CCDC33: variants seen among roughly 807,000 people sequenced by gnomAD.
CCDC33 encodes coiled-coil domain containing 33, also known as coiled-coil domain-containing protein 33.
Under a neutral mutation model 91.9 loss-of-function variants are expected in CCDC33, and 94 were observed. That is an observed-to-expected ratio of 1.02 (90% CI 0.87 to 1.21). The LOEUF (loss-of-function observed/expected upper bound fraction) is 1.21. Ranked by LOEUF, CCDC33 falls within the 50% of genes most tolerant of loss-of-function variation. The pLI, the probability that CCDC33 is intolerant of heterozygous loss-of-function variation, is 0.00. For missense variants in CCDC33, 940 were observed against 935.5 expected (o/e 1.00, Z -0.06); for synonymous variants, 396 against 374.5 (o/e 1.06, Z -0.66).
chr15:74,304,952 T>C (rs1285119912), intron 11 of CCDC33, among the ~76,000 whole-genome samples: 1 of 149,268 alleles, frequency 6.7e-6, no homozygotes, highest in African/African-American at 2.4e-5. Flanking sequence ...TCTTCTTCTT[T>C]TTTTTTTTTT....
chr15:74,226,016 C>T (rs2074783826), intron 2 of CCDC33, among the ~76,000 whole-genome samples: 1 of 152,170 alleles, frequency 6.6e-6, no homozygotes, highest in African/African-American at 2.4e-5. Context: ...GACAGCCTGC[C>T]CTGGGCTCCA....
intron 18 of CCDC33, 197 bp from the exon 19 acceptor site, chr15:74,335,728 C>T: frequency 1.8e-6 from 1 of 561,344 alleles, no homozygotes; most frequent in South Asian, 2.2e-5. Context: ...AACCTTTGCA[C>T]ACTCACCTGA....
intron 2 of CCDC33, among the ~76,000 whole-genome samples, chr15:74,246,568 A>G (rs2142286535): frequency 6.6e-6 from 1 of 152,356 alleles, no homozygotes; most frequent in South Asian, 2.1e-4. Context: ...GCACATGAAA[A>G]GGTGCACATC....
rs7162948 is a variant in CCDC33 at position 74,246,276 on chromosome 15, G to T, written c.185+2128G>T. 9.3e-3 allele frequency among the ~76,000 whole-genome samples: 1,423 copies of T among 152,244 alleles called. 27 individuals carry two copies. The highest frequency in any genetic ancestry group is 0.033 in the African/African-American group (1,370 of 41,542). On this transcript the variant is annotated intron_variant, in intron 2 of 18. Coordinates refer to ENST00000398814, the MANE Select transcript of CCDC33 (RefSeq NM_025055.5). The stretch of plus-strand genomic sequence containing the variant: ...ACATTGGTCTTGGCAATTAATCTTC[G>T]GATATGACACCGGAAGTACAGGCAA...
chr15:74,204,647 C>T (rs571192007), intron 1 of CCDC33, among the ~76,000 whole-genome samples: 57 of 152,304 alleles, frequency 3.7e-4, no homozygotes, highest in African/African-American at 1.4e-3. Context: ...AAACCATGCC[C>T]TTTGGCCAGG....
At position 74,246,248 on chromosome 15, in the gene CCDC33, T is replaced by C. The variant is rs553180643; in HGVS notation, c.185+2100T>C. On this transcript the variant is annotated intron_variant, in intron 2 of 18. Transcript: ENST00000398814. ...GAAGAAAACACAGGGGAAAGGCTCC[T>C]TTACATTGGTCTTGGCAATTAATCT... Among the ~76,000 whole-genome samples, 5 of 152,352 alleles carry C rather than the reference T, an allele frequency of 3.3e-5. No individual in the cohort carries two copies. The East Asian group carries it at 9.6e-4, about 29-fold the overall frequency.
At chr15:74,285,489 G>A (rs2059454538) in intron 10 of CCDC33, among the ~76,000 whole-genome samples, 1 of 152,122 alleles carries the variant, frequency 6.6e-6, no homozygotes, top group African/African-American at 2.4e-5. Flanking sequence ...ATGGCTGAGT[G>A]ATAGAAATGG....
intron 2 of CCDC33, among the ~76,000 whole-genome samples, chr15:74,257,634 C>T (rs1339840384): frequency 1.3e-5 from 2 of 152,204 alleles, no homozygotes; most frequent in African/African-American, 4.8e-5. Context: ...ACCCATGCTC[C>T]GAAGTCAGCA....
At chr15:74,272,950 A>G (rs2142441894) in intron 7 of CCDC33, 59 bp downstream of exon 7, 1 of 1,599,952 alleles carries the variant, frequency 6.3e-7, no homozygotes. Context: ...TTCACTGTTC[A>G]CTCACTCAGT....
At position 74,290,937 on chromosome 15, in the gene CCDC33, C is replaced by T. The variant is rs79936049; in HGVS notation, c.1096-4817C>T. 6.8e-3 allele frequency among the ~76,000 whole-genome samples: 1,030 copies of T among 152,302 alleles called. 15 individuals carry two copies. Among genetic ancestry groups the T allele is most frequent in the African/African-American group, 0.024 (984 of 41,552 alleles). On this transcript the variant is annotated intron_variant, in intron 10 of 18. Transcript: ENST00000398814. Reference sequence around the variant, plus strand: ...GGTTTCAGGGTAACAAGAGTGAGCCCACAGTCAAACCACTGAGCCACAGGC... The same window carrying T: ...GGTTTCAGGGTAACAAGAGTGAGCCTACAGTCAAACCACTGAGCCACAGGC...
intron 11 of CCDC33, among the ~76,000 whole-genome samples, chr15:74,321,917 C>T (rs896965022): frequency 4.6e-5 from 7 of 152,028 alleles, no homozygotes; most frequent in African/African-American, 1.2e-4. Flanking sequence ...ATGTGCGTGG[C>T]CCTTGGCAGA....
In CCDC33 at chr15:74,268,383, C is replaced by T. The variant is rs1274858798; in HGVS notation, c.471C>T (p.Thr157=). 2 of 1,613,960 alleles carry T rather than the reference C, an allele frequency of 1.2e-6. No homozygotes were observed. Among genetic ancestry groups the T allele is most frequent in the Non-Finnish European group, 8.5e-7 (1 of 1,179,902 alleles). Residue 157 remains threonine (T), a synonymous_variant, in exon 5 of 19, where the codon ACC becomes ACT. Coordinates refer to ENST00000398814, the MANE Select transcript of CCDC33 (RefSeq NM_025055.5). ...AAGCCGATGAAGCCACTGCCAAGAC[C>T]CAGTTGTACGCAACAGTCGTTCGGA... is the stretch of plus-strand genomic sequence containing the variant. ...SGKADEATAK[T]QLYATVVRKS...
rs957057265 is a variant in CCDC33 at position 74,240,812 on chromosome 15, C to T, written c.22-3173C>T. Among the ~76,000 whole-genome samples the T allele has an allele frequency of 3.9e-5, 6 of 152,208 alleles. No individual in the cohort carries two copies. In the South Asian group the frequency reaches 8.3e-4, roughly 21 times the overall value. On this transcript the variant is annotated intron_variant, in intron 1 of 18. Coordinates refer to ENST00000398814, the MANE Select transcript of CCDC33 (RefSeq NM_025055.5). ...TTCACCATGTTGGCCCGGCTGGTCT[C>T]GATCTCCCAGCCTCCAGTGATTTGC...
At chr15:74,293,356 G>A (rs754822410) in intron 10 of CCDC33, among the ~76,000 whole-genome samples, 1 of 152,168 alleles carries the variant, frequency 6.6e-6, no homozygotes, top group Admixed American at 6.5e-5. Flanking sequence ...TCAATGGGAA[G>A]GTGGTCTTTG....
rs1595910833 is a variant in CCDC33, at chr15:74,236,808, G to A, written c.21+68G>A. ...CCTCCTTCAAAGTCCTTCCTTCAAAGTTTTGTTTGCTCCTTAATCATGACA... is the reference window on the plus strand; with the variant it reads ...CCTCCTTCAAAGTCCTTCCTTCAAAATTTTGTTTGCTCCTTAATCATGACA... On this transcript the variant is annotated intron_variant, in intron 1 of 18. Transcript: ENST00000398814. 3 of 1,514,318 alleles carry A rather than the reference G, an allele frequency of 2.0e-6. No individual in the cohort carries two copies. The East Asian group carries it at 6.8e-5, about 34-fold the overall frequency. 93.8% of individuals were successfully genotyped at this position (1,514,318 alleles called of 1,614,324 possible).
At chr15:74,217,898 G>A (rs1390229680) in intron 1 of CCDC33, among the ~76,000 whole-genome samples, 1 of 152,150 alleles carries the variant, frequency 6.6e-6, no homozygotes. Context: ...GTCCTGAGCA[G>A]TGGACATTAC....
chr15:74,244,616 A>C lies in CCDC33; in HGVS notation c.185+468A>C. ...TTCTCCAGTCACTTCTATTATGGGG[A>C]CTCCCCTAGTTCTGGGCCTTTAATG... On this transcript the variant is annotated intron_variant, in intron 2 of 18. Transcript: ENST00000398814. This position sits in a 1 kb window ranked among gnomAD's most constrained non-coding sequence, Gnocchi z 4.2. 6.8e-6 allele frequency among the ~76,000 whole-genome samples: 1 copy of C among 147,216 alleles called. No individual in the cohort carries two copies. The highest frequency in any genetic ancestry group is 2.5e-5 in the African/African-American group (1 of 39,456).
chr15:74,334,877 T>C, intron 17 of CCDC33, 98 bp from the exon 18 acceptor site: 1 of 1,051,014 alleles, frequency 9.5e-7, no homozygotes, highest in Admixed American at 1.7e-5. Context: ...GAGCTTTGCT[T>C]TCTGCCTGGA....
intron 2 of CCDC33, among the ~76,000 whole-genome samples, chr15:74,260,319 G>A (rs1232902611): frequency 2.6e-5 from 4 of 152,190 alleles, no homozygotes; most frequent in Non-Finnish European, 5.9e-5. Context: ...ACCACTTTGC[G>A]GGTGTGAGGA....
Sources: allele counts gnomAD v4.1 joint callset (sites outside exome capture counted in the v4.1 genomes callset), GRCh38; gene constraint gnomAD v4.1.1; non-coding constraint Gnocchi (gnomAD v3.1); transcripts MANE v1.5; gene names NCBI Gene and HGNC (gene_info 2026-07-23, HGNC 2026-07-21).